The following CNOT6 variants were observed in gnomAD, a reference collection of about 807,000 sequenced individuals.
CNOT6 encodes the protein CCR4-NOT transcription complex subunit 6.
CNOT6 carries 12 observed loss-of-function variants against 61.2 expected under a neutral mutation model. The ratio of observed to expected loss-of-function variants is 0.20; its 90% CI spans 0.13 to 0.32. The LOEUF is 0.32. CNOT6 is among the 10% of genes least tolerant of loss of function. The pLI is 1.00. For synonymous variants in CNOT6, 225 were observed against 240.6 expected (o/e 0.94, Z 0.60); for missense variants, 405 against 663.9 (o/e 0.61, Z 4.28).
intron 1 of CNOT6, among the ~76,000 whole-genome samples, chr5:180,518,105 TG>T (rs1757729313): frequency 6.6e-6 from 1 of 152,202 alleles, no homozygotes; most frequent in Non-Finnish European, 1.5e-5. Flanking sequence ...ATCTCTCTTT[TG>T]TTTTGGCTTG....
chr5:180,503,737 C>T (rs1756998423), intron 1 of CNOT6, among the ~76,000 whole-genome samples: 1 of 150,982 alleles, frequency 6.6e-6, no homozygotes. Flanking sequence ...TCCCGAGTAG[C>T]TGGGACTACA....
chr5:180,554,405 G>A (rs1262703770), intron 4 of CNOT6, among the ~76,000 whole-genome samples: 2 of 124,402 alleles, frequency 1.6e-5, no homozygotes, highest in South Asian at 3.3e-4. Flanking sequence ...GTGACAGAGC[G>A]AGACTCTGTC....
intron 9 of CNOT6, 149 bp downstream of exon 9, chr5:180,568,152 T>C: frequency 1.5e-6 from 1 of 673,934 alleles, no homozygotes. Flanking sequence ...AATGTATCTC[T>C]TTTTCTCTAC....
At chr5:180,562,841 G>A (rs1476099296) in intron 4 of CNOT6, among the ~76,000 whole-genome samples, 10 of 152,160 alleles carry the variant, frequency 6.6e-5, no homozygotes, top group African/African-American at 2.4e-4. Context: ...ATTTTCTCAA[G>A]ATGTGTTTCA....
At position 180,569,155 on chromosome 5, in the gene CNOT6, CT is replaced by C; in HGVS notation, c.1074del (p.Asn359ThrfsTer13). 6.2e-7 allele frequency: 1 copy of C among 1,614,080 alleles called. No homozygotes were observed. The highest frequency in any genetic ancestry group is 8.5e-7 in the Non-Finnish European group (1 of 1,179,962). On this transcript the variant is annotated frameshift_variant, in exon 10 of 12. Coordinates refer to ENST00000261951, the MANE Select transcript of CNOT6 (RefSeq NM_001370472.1). LOFTEE classifies it high-confidence loss of function. ...LGTEKQLILV[A>X]NAHMHWDPEY... ...ACAGAAAAACAACTTATTCTTGTGGCTAACGCCCACATGCATTGGGACCCTG... is the reference window on the plus strand; with the variant it reads ...ACAGAAAAACAACTTATTCTTGTGGCAACGCCCACATGCATTGGGACCCTG...
At chr5:180,524,706 A>C (rs769477810) in intron 1 of CNOT6, among the ~76,000 whole-genome samples, 1 of 152,226 alleles carries the variant, frequency 6.6e-6, no homozygotes, top group Non-Finnish European at 1.5e-5. Flanking sequence ...GATCAAACTG[A>C]ACATTGATTC....
chr5:180,539,491 CT>C (rs1758905840), intron 2 of CNOT6, among the ~76,000 whole-genome samples: 1 of 133,310 alleles, frequency 7.5e-6, no homozygotes, highest in Non-Finnish European at 1.6e-5. Context: ...TTGGAGTATG[CT>C]TTTATAGCAA....
chr5:180,508,659 C>T (rs1293378067), intron 1 of CNOT6, among the ~76,000 whole-genome samples: 5 of 151,858 alleles, frequency 3.3e-5, no homozygotes, highest in Non-Finnish European at 5.9e-5. Context: ...CAAGGTCTCA[C>T]GGTCACCCAG....
chr5:180,542,404 A>G (rs1164286764), intron 2 of CNOT6, among the ~76,000 whole-genome samples: 1 of 152,002 alleles, frequency 6.6e-6, no homozygotes, highest in African/African-American at 2.4e-5. Context: ...AGCTGGGACT[A>G]CAGGCCCGCG....
chr5:180,548,124 A>T (rs1020520210), intron 2 of CNOT6, among the ~76,000 whole-genome samples: 12 of 152,200 alleles, frequency 7.9e-5, no homozygotes, highest in African/African-American at 2.9e-4. Context: ...CTTGAGATAC[A>T]ATTCACACAC....
chr5:180,551,258 G>A (rs1759587375), intron 3 of CNOT6, among the ~76,000 whole-genome samples: 1 of 152,128 alleles, frequency 6.6e-6, no homozygotes, highest in South Asian at 2.1e-4. Context: ...TTGGGAGGCT[G>A]AGGTGGAGGG....
chr5:180,565,727 C>T (rs1760415598), intron 6 of CNOT6, 93 bp from the exon 7 acceptor site: 1 of 1,223,548 alleles, frequency 8.2e-7, no homozygotes, highest in African/African-American at 1.5e-5. Context: ...TGAATACGGT[C>T]AAACTTAACA....
chr5:180,504,535 A>G (rs567992519), intron 1 of CNOT6, among the ~76,000 whole-genome samples: 4 of 152,344 alleles, frequency 2.6e-5, no homozygotes, highest in African/African-American at 7.2e-5. Flanking sequence ...AAAGTCTGGC[A>G]AAAGGTAAGA....
intron 3 of CNOT6, among the ~76,000 whole-genome samples, chr5:180,551,203 G>C (rs1188936644): frequency 1.3e-5 from 2 of 151,468 alleles, no homozygotes; most frequent in Non-Finnish European, 2.9e-5. Flanking sequence ...AAAATCCCCA[G>C]ATAATTAGCT....
intron 2 of CNOT6, among the ~76,000 whole-genome samples, chr5:180,546,784 T>A (rs578029863): frequency 6.6e-6 from 1 of 152,364 alleles, no homozygotes; most frequent in African/African-American, 2.4e-5. Context: ...CAACTGGCAA[T>A]GAATCATTTC....
Position 180,574,414 on chromosome 5 carries a change from G to A in CNOT6, c.*214G>A, listed in dbSNP as rs1005605890. ...GCTTTATACTGCTAGACAGGGATTG[G>A]TGTGTTTGCACCTGTCTTTCATTTG... On this transcript the variant is annotated 3_prime_UTR_variant, in exon 12 of 12. Transcript: ENST00000261951. The A allele has an allele frequency of 1.7e-6, 1 of 583,282 alleles. No individual in the cohort carries two copies. The highest frequency in any genetic ancestry group is 2.9e-5 in the East Asian group (1 of 34,958). The allele number at this position is 583,282 out of a possible 1,614,324, so 36.1% of individuals were successfully genotyped here.
chr5:180,577,231 T>C lies in CNOT6; in HGVS notation c.*3031T>C, dbSNP rs1761049821. On this transcript the variant is annotated 3_prime_UTR_variant, in exon 12 of 12. Transcript: ENST00000261951. Reference sequence around the variant, plus strand: ...TTTAGTGACAACCAGGAAAACTTACTTGGGATTATTAGCACTTTCAAACTT... The same window carrying C: ...TTTAGTGACAACCAGGAAAACTTACCTGGGATTATTAGCACTTTCAAACTT... 1 of 151,298 alleles carries C rather than the reference T, an allele frequency of 6.6e-6. No individual in the cohort carries two copies. Among genetic ancestry groups the C allele is most frequent in the African/African-American group, 2.4e-5 (1 of 41,092 alleles). 9.4% of individuals were successfully genotyped at this position (151,298 alleles called of 1,614,324 possible). A position where few individuals can be genotyped will look rare whatever the true frequency, so the allele number is the denominator to read the frequency against.
chr5:180,572,707 A>C (rs1581578375), intron 11 of CNOT6, among the ~76,000 whole-genome samples: 2 of 143,732 alleles, frequency 1.4e-5, no homozygotes, highest in African/African-American at 2.5e-5. Context: ...CCGCCGCCAT[A>C]CCCAGATCTT....
At chr5:180,504,242 C>T (rs1461504407) in intron 1 of CNOT6, among the ~76,000 whole-genome samples, 3 of 152,138 alleles carry the variant, frequency 2.0e-5, no homozygotes, top group African/African-American at 7.2e-5. Context: ...TTTTCTGAAA[C>T]ATTATCAGTG....
Sources: allele counts gnomAD v4.1 joint callset (sites outside exome capture counted in the v4.1 genomes callset), GRCh38; gene constraint gnomAD v4.1.1; transcripts MANE v1.5; gene names NCBI Gene and HGNC (gene_info 2026-07-23, HGNC 2026-07-21).